The following RAB38 variants were observed in gnomAD, a reference collection of about 807,000 sequenced individuals.
The protein encoded by RAB38 is RAB38, member RAS oncogene family, also known as ras-related protein Rab-38.
A neutral mutation model predicts 18.4 loss-of-function variants in RAB38; 15 were observed. The ratio of observed to expected loss-of-function variants is 0.82; its 90% confidence interval spans 0.55 to 1.26. The LOEUF (loss-of-function observed/expected upper bound fraction) is 1.26, where lower values mean the gene tolerates loss of function less well. RAB38 is among the 50% of genes most tolerant of loss of function. The pLI is 0.00. For synonymous variants in RAB38, 101 were observed against 104.4 expected, an observed-to-expected ratio of 0.97 and a Z score of 0.20; for missense variants, 294 against 267.4, an observed-to-expected ratio of 1.10 and a Z score of -0.69.
the RAB38 span, among the ~76,000 whole-genome samples, chr11:87,909,400 T>G: frequency 6.6e-6 from 1 of 152,074 alleles, no homozygotes; most frequent in Non-Finnish European, 1.5e-5. Context: ...ATTCATTGCA[T>G]TCTTTCTCAA....
the RAB38 span, among the ~76,000 whole-genome samples, chr11:87,895,657 G>A: frequency 6.6e-6 from 1 of 151,576 alleles, no homozygotes; most frequent in African/African-American, 2.4e-5. Flanking sequence ...CACTGCACCG[G>A]CTGATTTAAG....
intron 1 of RAB38, among the ~76,000 whole-genome samples, chr11:88,161,357 C>A (rs1446825253): frequency 2.6e-5 from 4 of 152,012 alleles, no homozygotes; most frequent in African/African-American, 9.7e-5. Context: ...TCAAATGTGC[C>A]CTTAAATCTC....
chr11:87,964,512 T>C, the RAB38 span, among the ~76,000 whole-genome samples: 2,993 of 152,118 alleles, frequency 0.02, 103 homozygotes, highest in African/African-American at 0.068. Flanking sequence ...GGTGTGGAAA[T>C]AGACTTCAGT....
the RAB38 span, among the ~76,000 whole-genome samples, chr11:88,050,837 A>T: frequency 6.6e-6 from 1 of 152,300 alleles, no homozygotes; most frequent in East Asian, 1.9e-4. Context: ...TATAATTAGT[A>T]ACAGGAAGGT....
the RAB38 span, among the ~76,000 whole-genome samples, chr11:87,824,655 A>C: frequency 6.6e-5 from 10 of 152,282 alleles, no homozygotes; most frequent in African/African-American, 1.9e-4. Context: ...AAATAATTAC[A>C]TAGAAGAATT....
chr11:88,067,639 A>C, the RAB38 span, among the ~76,000 whole-genome samples: 1 of 152,182 alleles, frequency 6.6e-6, no homozygotes, highest in Non-Finnish European at 1.5e-5. Context: ...TGCAATATAG[A>C]GAAGTTGAGC....
the RAB38 span, among the ~76,000 whole-genome samples, chr11:87,906,257 A>G: frequency 6.6e-6 from 1 of 151,992 alleles, no homozygotes; most frequent in African/African-American, 2.4e-5. Flanking sequence ...AAGACAGTCA[A>G]TTATTCCCAT....
At chr11:88,108,896 A>T (rs112709027), downstream of RAB38, among the ~76,000 whole-genome samples, 3,124 of 152,194 alleles carry the variant, frequency 0.021, 107 homozygotes, top group African/African-American at 0.068. Flanking sequence ...TTGCTTATGA[A>T]TCTTAGTTTG....
chr11:87,969,109 G>A, the RAB38 span, among the ~76,000 whole-genome samples: 33 of 152,110 alleles, frequency 2.2e-4, no homozygotes, highest in African/African-American at 7.9e-4. Context: ...TATGGTCTTT[G>A]ACATGAGTCT....
the RAB38 span, among the ~76,000 whole-genome samples, chr11:87,889,831 G>T: frequency 8.6e-5 from 13 of 150,546 alleles, no homozygotes; most frequent in South Asian, 2.1e-4. Context: ...GTTTTTTTTT[G>T]TTGTTGTTAT....
chr11:88,052,935 T>TATATATATCTATC, the RAB38 span, among the ~76,000 whole-genome samples: 2 of 85,790 alleles, frequency 2.3e-5, no homozygotes, highest in Non-Finnish European at 4.1e-5. Flanking sequence ...TATATATATA[T>TATATATATCTATC]ATATATATAA....
the RAB38 span, among the ~76,000 whole-genome samples, chr11:88,007,802 T>G: frequency 1.3e-5 from 2 of 152,086 alleles, no homozygotes; most frequent in South Asian, 4.1e-4. Flanking sequence ...AAGCCCTATT[T>G]ACAATAGCCA....
At chr11:88,062,350 T>G in the RAB38 span, among the ~76,000 whole-genome samples, 1 of 152,260 alleles carries the variant, frequency 6.6e-6, no homozygotes, top group East Asian at 1.9e-4. Context: ...ACATGCCTGC[T>G]TCCCCTTCCA....
the RAB38 span, among the ~76,000 whole-genome samples, chr11:87,975,165 T>C: frequency 2.0e-5 from 3 of 151,874 alleles, no homozygotes; most frequent in Non-Finnish European, 2.9e-5. Context: ...GATAAGGAAG[T>C]CAGTCATAGG....
At chr11:88,169,752 T>C (rs1158807933) in intron 1 of RAB38, among the ~76,000 whole-genome samples, 1 of 152,208 alleles carries the variant, frequency 6.6e-6, no homozygotes, top group East Asian at 1.9e-4. Flanking sequence ...AGATTTAGTC[T>C]CAGAGAGTAG....
chr11:87,912,158 T>C, the RAB38 span, among the ~76,000 whole-genome samples: 1,356 of 152,146 alleles, frequency 8.9e-3, 13 homozygotes, highest in Admixed American at 0.014. Context: ...TGGTCTGTAA[T>C]TTTCATTTTA....
At chr11:87,875,510 A>G in the RAB38 span, among the ~76,000 whole-genome samples, 6 of 151,534 alleles carry the variant, frequency 4.0e-5, no homozygotes, top group African/African-American at 1.5e-4. Context: ...AATTCACCCA[A>G]AATTGCTACT....
chr11:88,132,848 TTAA>T lies in RAB38; in HGVS notation c.483+16824_483+16826del, dbSNP rs1267688062. ...ACCACAGAATAATATTTAATAGATA[TTAA>T]TAATAAAATTATACATGTGAGTTCA... On this transcript the variant is annotated intron_variant, in intron 2 of 2. Coordinates refer to ENST00000243662, the MANE Select transcript of RAB38 (RefSeq NM_022337.3). Among the ~76,000 whole-genome samples, 6 of 152,324 alleles carry T rather than the reference TTAA, an allele frequency of 3.9e-5. No homozygotes were observed. The South Asian group carries it at 8.3e-4, about 21-fold the overall frequency.
the RAB38 span, among the ~76,000 whole-genome samples, chr11:87,851,926 A>G: frequency 6.6e-6 from 1 of 152,198 alleles, no homozygotes; most frequent in African/African-American, 2.4e-5. Context: ...AATTTATTTA[A>G]TAAGTCTTAG....
Sources: gnomAD v4.1 joint callset for allele counts (sites outside exome capture counted in the v4.1 genomes callset) on GRCh38, gnomAD v4.1.1 for gene constraint, MANE v1.5 for transcripts, NCBI Gene and HGNC (gene_info 2026-07-23, HGNC 2026-07-21) for gene names.